The following TIAM1 variants were observed in gnomAD, a reference collection of about 807,000 sequenced individuals.
The protein encoded by TIAM1 is rho guanine nucleotide exchange factor TIAM1.
A neutral mutation model predicts 163.5 loss-of-function variants in TIAM1; 65 were observed. The observed-to-expected ratio is 0.40, with a 90% confidence interval of 0.33 to 0.49. The LOEUF is 0.49. Among genes scored for constraint, TIAM1 ranks in the 20% least tolerant of loss-of-function variants. The probability of loss-of-function intolerance (pLI) is 0.77; values close to 1 mark genes in which losing one functional copy is unlikely to be tolerated. For synonymous variants in TIAM1, 833 were observed against 810.1 expected (o/e 1.03, Z -0.48); for missense variants, 1,789 against 2,044.7 (o/e 0.87, Z 2.41).
intron 1 of TIAM1, among the ~76,000 whole-genome samples, chr21:31,341,096 G>A (rs1220493865): frequency 6.6e-6 from 1 of 152,144 alleles, no homozygotes; most frequent in East Asian, 1.9e-4. Context: ...ACAAGAAAGG[G>A]TAGGAGGCAG....
Position 31,210,671 on chromosome 21 carries a change from GAAAGAAAGAAAGAAAA to G in TIAM1, c.2218-472_2218-457del, listed in dbSNP as rs1569033020. Among the ~76,000 whole-genome samples, 59 of 39,428 alleles carry G rather than the reference GAAAGAAAGAAAGAAAA, an allele frequency of 1.5e-3. 16 individuals carry two copies. Among genetic ancestry groups the G allele is most frequent in the African/African-American group, 7.0e-3 (56 of 7,976 alleles). The allele number at this position is 39,428 out of a possible 152,430, so 25.9% of individuals were successfully genotyped here. A position where few individuals can be genotyped will look rare whatever the true frequency, so the allele number is the denominator to read the frequency against. On this transcript the variant is annotated intron_variant, in intron 10 of 27. Coordinates refer to ENST00000541036, the MANE Select transcript of TIAM1 (RefSeq NM_001353694.2). ...AAAGAAAGAAAGAAAGAAAGAAAAAGAAAGAAAGAAAGAAAAAGAAAGAAAGAAAGAAAGAGAAAGA... is the reference window on the plus strand; with the variant it reads ...AAAGAAAGAAAGAAAGAAAGAAAAAGAGAAAGAAAGAAAGAAAGAGAAAGA...
chr21:31,416,153 C>A (rs955712314), intron 2 of TIAM1, among the ~76,000 whole-genome samples: 3 of 152,140 alleles, frequency 2.0e-5, no homozygotes, highest in Non-Finnish European at 4.4e-5. Context: ...CAAATCCTCA[C>A]AAATCCTATA....
chr21:31,555,488 A>G (rs998943440), intron 1 of TIAM1, among the ~76,000 whole-genome samples: 3 of 152,096 alleles, frequency 2.0e-5, no homozygotes, highest in African/African-American at 7.2e-5. Flanking sequence ...ATGACTGGAG[A>G]TCGTAAAACG....
At chr21:31,265,626 G>A (rs1283794054) in intron 4 of TIAM1, among the ~76,000 whole-genome samples, 2 of 152,020 alleles carry the variant, frequency 1.3e-5, no homozygotes, top group East Asian at 3.9e-4. Context: ...GAAGAAATAA[G>A]TTCCAAGAGT....
intron 2 of TIAM1, among the ~76,000 whole-genome samples, chr21:31,290,731 G>A (rs995265369): frequency 3.3e-5 from 5 of 149,436 alleles, no homozygotes; most frequent in African/African-American, 9.8e-5. Flanking sequence ...GTTTTCTGCT[G>A]ATGGCGACTG....
intron 1 of TIAM1, among the ~76,000 whole-genome samples, chr21:31,474,890 G>A (rs2045880994): frequency 6.6e-6 from 1 of 151,922 alleles, no homozygotes; most frequent in South Asian, 2.1e-4. Flanking sequence ...GAGCCCTACA[G>A]GGAAAACCTG....
At chr21:31,294,856 T>G (rs2074172762) in intron 2 of TIAM1, among the ~76,000 whole-genome samples, 1 of 152,202 alleles carries the variant, frequency 6.6e-6, no homozygotes, top group African/African-American at 2.4e-5. Context: ...GCACACGGCC[T>G]GAACGCATGT....
chr21:31,384,026 C>A (rs1263796357), intron 2 of TIAM1, among the ~76,000 whole-genome samples: 2 of 152,078 alleles, frequency 1.3e-5, no homozygotes, highest in Non-Finnish European at 2.9e-5. Flanking sequence ...AGGAGCAATG[C>A]AAATTGCTAA....
Position 31,119,683 on chromosome 21 carries a change from TTTTC to T in TIAM1, c.*681_*684del, listed in dbSNP as rs765176204. On this transcript the variant is annotated 3_prime_UTR_variant, in exon 28 of 28. Coordinates refer to ENST00000541036, the MANE Select transcript of TIAM1 (RefSeq NM_001353694.2). ...GGTAAAATACAAAAAATAGTGTTTC[TTTTC>T]TTTCTCTCAAGCGATAAATTTGGAT... 2.0e-5 allele frequency: 3 copies of T among 152,616 alleles called. No individual in the cohort carries two copies. The highest frequency in any genetic ancestry group is 2.9e-5 in the Non-Finnish European group (2 of 68,038). 9.5% of individuals were successfully genotyped at this position (152,616 alleles called of 1,614,324 possible).
At chr21:31,519,847 G>C (rs11702341) in intron 1 of TIAM1, among the ~76,000 whole-genome samples, 9 of 151,986 alleles carry the variant, frequency 5.9e-5, no homozygotes, top group Admixed American at 2.0e-4. Flanking sequence ...TAGAGCAGTC[G>C]AATACATAGA....
chr21:31,165,718 TTTG>T (rs1292270489), intron 15 of TIAM1, among the ~76,000 whole-genome samples: 1 of 151,776 alleles, frequency 6.6e-6, no homozygotes, highest in Non-Finnish European at 1.5e-5. Context: ...ATTAACTGAT[TTTG>T]TTGATTTTAC....
At chr21:31,152,850 T>G (rs1643608964) in intron 18 of TIAM1, 89 bp from the exon 19 acceptor site, 1 of 1,510,022 alleles carries the variant, frequency 6.6e-7, no homozygotes, top group Non-Finnish European at 8.9e-7. Flanking sequence ...TTTCTATCAA[T>G]TCTTATCAAT....
rs1200542340 is a variant in TIAM1, at chr21:31,181,753, CTTCTTTTTTTTTTTTTTTTTTTTTTTTT to C, written c.2887+640_2887+667del. ...ATTCCCAGCACTTCTTCTTCTTCTT[CTTCTTTTTTTTTTTTTTTTTTTTTTTTT>C]TTTTTTTTTTTTTTTTTTTTTTTTA... On this transcript the variant is annotated intron_variant, in intron 15 of 27. Transcript: ENST00000541036. Among the ~76,000 whole-genome samples the C allele has an allele frequency of 3.8e-3, 152 of 39,488 alleles. 5 individuals carry two copies. The highest frequency in any genetic ancestry group is 0.011 in the African/African-American group (146 of 13,136). The allele number at this position is 39,488 out of a possible 152,430, so 25.9% of individuals were successfully genotyped here. A position where few individuals can be genotyped will look rare whatever the true frequency, so the allele number is the denominator to read the frequency against.
chr21:31,136,159 A>G, intron 22 of TIAM1, 118 bp from the exon 23 acceptor site: 3 of 862,206 alleles, frequency 3.5e-6, no homozygotes, highest in Non-Finnish European at 3.6e-6. Flanking sequence ...TACTGCTCCT[A>G]AAAACATTTG....
chr21:31,407,008 A>T (rs1450508470), intron 2 of TIAM1, among the ~76,000 whole-genome samples: 2 of 152,160 alleles, frequency 1.3e-5, no homozygotes, highest in Non-Finnish European at 2.9e-5. Context: ...TACACCAATG[A>T]CATCCCCAAC....
intron 2 of TIAM1, among the ~76,000 whole-genome samples, chr21:31,384,700 C>T (rs1362010085): frequency 6.6e-6 from 1 of 152,184 alleles, no homozygotes; most frequent in Non-Finnish European, 1.5e-5. Flanking sequence ...AAATATCTTA[C>T]CTTAAGTCCC....
At chr21:31,185,984 G>A (rs1352719848) in intron 14 of TIAM1, among the ~76,000 whole-genome samples, 1 of 152,154 alleles carries the variant, frequency 6.6e-6, no homozygotes, top group South Asian at 2.1e-4. Flanking sequence ...CAGACTTCTG[G>A]CCTCCTAAAC....
chr21:31,329,676 G>A (rs1261648165), intron 2 of TIAM1, among the ~76,000 whole-genome samples: 3 of 152,138 alleles, frequency 2.0e-5, no homozygotes, highest in Non-Finnish European at 4.4e-5. Flanking sequence ...AAGCCGCCAG[G>A]GAAAATCCCA....
chr21:31,295,325 T>C lies in TIAM1; in HGVS notation c.-188-18417A>G, dbSNP rs189288913. 3.6e-3 allele frequency among the ~76,000 whole-genome samples: 548 copies of C among 151,820 alleles called. 1 individual carries two copies. Among genetic ancestry groups the C allele is most frequent in the South Asian group, 0.014 (68 of 4,788 alleles). On this transcript the variant is annotated intron_variant, in intron 2 of 27. Transcript: ENST00000541036. ...CTCTACTAAAAATACAAAAAATTAG[T>C]TGGGCGTGGTGGCAGGCACCTGTAG... is the stretch of plus-strand genomic sequence containing the variant.
Sources: gnomAD v4.1 joint callset for allele counts (sites outside exome capture counted in the v4.1 genomes callset) on GRCh38, gnomAD v4.1.1 for gene constraint, MANE v1.5 for transcripts, NCBI Gene and HGNC (gene_info 2026-07-23, HGNC 2026-07-21) for gene names.